Variants in PDXK observed in about 807,000 individuals in gnomAD.
PDXK encodes epididymis secretory sperm binding protein Li 1a.
PDXK carries 15 observed loss-of-function variants against 43.2 expected under a neutral mutation model. That is an observed-to-expected ratio of 0.35 (90% confidence interval 0.23 to 0.53). The LOEUF is 0.53. PDXK is among the 20% of genes least tolerant of loss of function. PDXK has a pLI of 0.92. For synonymous variants in PDXK, 172 were observed against 165.4 expected (o/e 1.04, Z -0.31); for missense variants, 343 against 417.0 (o/e 0.82, Z 1.54).
At chr21:43,722,633 C>T (rs1290376828) in intron 1 of PDXK, among the ~76,000 whole-genome samples, 1 of 151,778 alleles carries the variant, frequency 6.6e-6, no homozygotes, top group Non-Finnish European at 1.5e-5. Flanking sequence ...TCCCTCCATA[C>T]AAGGGTCCTT....
Position 43,734,229 on chromosome 21 carries a change from G to A in PDXK, c.142+106G>A. 1 of 1,069,348 alleles carries A rather than the reference G, an allele frequency of 9.4e-7. No individual in the cohort carries two copies. The highest frequency in any genetic ancestry group is 1.8e-5 in the Admixed American group (1 of 56,192). The allele number at this position is 1,069,348 out of a possible 1,614,324, so 66.2% of individuals were successfully genotyped here. On this transcript the variant is annotated intron_variant, in intron 2 of 10. Coordinates refer to ENST00000291565, the MANE Select transcript of PDXK (RefSeq NM_003681.5). This position sits in a 1 kb window ranked among gnomAD's most constrained non-coding sequence, Gnocchi z 5.0. The stretch of plus-strand genomic sequence containing the variant: ...GGCGGAGTGTGGGTGTGAGGGACGG[G>A]GCTTTCGTGTGGACGGGGACCTGGA...
rs1300 is a variant in PDXK, at chr21:43,762,120, T to C, written c.*6057T>C. The stretch of plus-strand genomic sequence containing the variant: ...CCTGTCGCCTCCGTGGTCCCCCTGC[T>C]GAGGGAGTGCGGCCTCTGCAAGGTT... On this transcript the variant is annotated 3_prime_UTR_variant, in exon 11 of 11. Transcript: ENST00000291565. The C allele has an allele frequency of 0.8, 122,111 of 153,330 alleles. 49,480 individuals are homozygous for C. The highest frequency in any genetic ancestry group is 0.95 in the African/African-American group (39,409 of 41,530). 9.5% of individuals were successfully genotyped at this position (153,330 alleles called of 1,614,324 possible). A position where few individuals can be genotyped will look rare whatever the true frequency, so the allele number is the denominator to read the frequency against.
intron 6 of PDXK, 81 bp downstream of exon 6, chr21:43,749,161 G>C (rs1400300640): frequency 6.1e-6 from 5 of 822,116 alleles, no homozygotes; most frequent in Non-Finnish European, 9.7e-6. Context: ...CTGGAGTGCA[G>C]TGGCACGATC....
intron 7 of PDXK, among the ~76,000 whole-genome samples, chr21:43,750,962 A>ATATATGTGTGTG (rs36141783): frequency 6.6e-6 from 1 of 150,624 alleles, no homozygotes; most frequent in African/African-American, 2.5e-5. Context: ...ATGTGTGTGC[A>ATATATGTGTGTG]TGTGTGTGTG....
rs2239389 is a variant in PDXK, at chr21:43,754,445, C to T, written c.759+726C>T. On this transcript the variant is annotated intron_variant, in intron 9 of 10. Coordinates refer to ENST00000291565, the MANE Select transcript of PDXK (RefSeq NM_003681.5). This position sits in a 1 kb window ranked among gnomAD's most constrained non-coding sequence, Gnocchi z 5.5. ...TGTGGCGCTCAGATCCGTGACCTCC[C>T]GTGCTGCATGCAGCAGAGTTGCTTG... 0.56 allele frequency among the ~76,000 whole-genome samples: 84,691 copies of T among 151,958 alleles called. 23,790 individuals are homozygous for T. Among genetic ancestry groups the T allele is most frequent in the African/African-American group, 0.58 (23,941 of 41,428 alleles).
intron 2 of PDXK, among the ~76,000 whole-genome samples, chr21:43,740,673 C>T (rs376724155): frequency 1.6e-4 from 25 of 152,020 alleles, no homozygotes; most frequent in South Asian, 1.5e-3. Context: ...TCTGTCCTCA[C>T]ACATTGATAT....
intron 1 of PDXK, among the ~76,000 whole-genome samples, chr21:43,727,130 C>T (rs1184491040): frequency 1.3e-5 from 2 of 152,196 alleles, no homozygotes; most frequent in Non-Finnish European, 2.9e-5. Flanking sequence ...GCAGAACGGG[C>T]AGCTTCGGGG....
intron 9 of PDXK, among the ~76,000 whole-genome samples, chr21:43,755,139 G>A (rs1208373587): frequency 6.6e-6 from 1 of 152,304 alleles, no homozygotes; most frequent in East Asian, 1.9e-4. Context: ...TTGTGGAGTC[G>A]GGGAGCGAGT....
At chr21:43,724,622 A>G (rs2083235893) in intron 1 of PDXK, among the ~76,000 whole-genome samples, 1 of 151,534 alleles carries the variant, frequency 6.6e-6, no homozygotes, top group South Asian at 2.1e-4. Context: ...TGGGGGGATC[A>G]CTTGAGCCTG....
In PDXK at chr21:43,737,734, C is replaced by T; in HGVS notation, c.142+3611C>T. ...CGGGCCAGGAGCCTGCCGACGGACA[C>T]CAGCGAGGGGCCAGGCCGGGCCAGA... On this transcript the variant is annotated intron_variant, in intron 2 of 10. Coordinates refer to ENST00000291565, the MANE Select transcript of PDXK (RefSeq NM_003681.5). The surrounding 1 kb of genome is among the most constrained non-coding windows in gnomAD (Gnocchi z 4.8). The T allele has an allele frequency of 1.0e-6, 1 of 953,622 alleles. No individual in the cohort carries two copies. The highest frequency in any genetic ancestry group is 1.2e-6 in the Non-Finnish European group (1 of 809,034). 59.1% of individuals were successfully genotyped at this position (953,622 alleles called of 1,614,324 possible).
chr21:43,719,175 C>CCAGAGT lies in PDXK; in HGVS notation c.-118_-113dup, dbSNP rs138927490. On this transcript the variant is annotated 5_prime_UTR_variant, in exon 1 of 11. Coordinates refer to ENST00000291565, the MANE Select transcript of PDXK (RefSeq NM_003681.5). ...TGATCGGGTCCGCCGCGCGCCAGAG[C>CCAGAGT]CAGAGTCGCAGCCGAGGGGAGCCGG... is the stretch of plus-strand genomic sequence containing the variant. The CCAGAGT allele has an allele frequency of 6.5e-4, 270 of 417,118 alleles. No homozygotes were observed. Among genetic ancestry groups the CCAGAGT allele is most frequent in the African/African-American group, 5.4e-3 (257 of 47,370 alleles). The allele number at this position is 417,118 out of a possible 1,614,324, so 25.8% of individuals were successfully genotyped here. A position where few individuals can be genotyped will look rare whatever the true frequency, so the allele number is the denominator to read the frequency against.
chr21:43,747,956 C>T (rs2083666595), intron 5 of PDXK, among the ~76,000 whole-genome samples: 1 of 152,184 alleles, frequency 6.6e-6, no homozygotes, highest in Admixed American at 6.5e-5. Flanking sequence ...TCCTTAGTGC[C>T]TCCTAAGCCA....
Position 43,752,507 on chromosome 21 carries a change from G to A in PDXK, c.511-11G>A, listed in dbSNP as rs750215028. 1.3e-6 allele frequency: 2 copies of A among 1,590,802 alleles called. No homozygotes were observed. The highest frequency in any genetic ancestry group is 1.7e-5 in the Admixed American group (1 of 59,980). On this transcript the variant is annotated splice_polypyrimidine_tract_variant and intron_variant, in intron 7 of 10. Coordinates refer to ENST00000291565, the MANE Select transcript of PDXK (RefSeq NM_003681.5). Reference sequence around the variant, plus strand: ...ACCGGCCGTGGCTGACGCTCCCTGTGCCACTGCTAGGTGATGGACATGCTG... The same window carrying A: ...ACCGGCCGTGGCTGACGCTCCCTGTACCACTGCTAGGTGATGGACATGCTG...
At chr21:43,728,724 G>C in intron 1 of PDXK, 3 of 985,680 alleles carry the variant, frequency 3.0e-6, no homozygotes, top group Non-Finnish European at 2.4e-6. Flanking sequence ...TCACACCACC[G>C]GCCGAGGGAG....
intron 1 of PDXK, chr21:43,720,003 C>A: frequency 1.2e-6 from 1 of 846,470 alleles, no homozygotes; most frequent in Non-Finnish European, 1.4e-6. Context: ...AGAGCGGCAT[C>A]CCTGCAGGTG....
chr21:43,748,690 T>TCCTC (rs2083680128), intron 5 of PDXK, among the ~76,000 whole-genome samples: 1 of 151,816 alleles, frequency 6.6e-6, no homozygotes, highest in South Asian at 2.1e-4. Flanking sequence ...CTCGTCTCCC[T>TCCTC]CCTCCCTCCC....
chr21:43,736,630 T>G (rs1298658742), intron 2 of PDXK, among the ~76,000 whole-genome samples: 3 of 36,736 alleles, frequency 8.2e-5, no homozygotes, highest in East Asian at 8.0e-4. Flanking sequence ...CCTTTTTCTG[T>G]TTTTTTTTTT....
Position 43,723,004 on chromosome 21 carries a change from A to AT in PDXK, c.87+3630dup, listed in dbSNP as rs1182541525. ...AGGCGCCCGCCACCACGCCTGGCTA[A>AT]TTTTTTTGTATTTTTAGTAGAGACG... On this transcript the variant is annotated intron_variant, in intron 1 of 10. Coordinates refer to ENST00000291565, the MANE Select transcript of PDXK (RefSeq NM_003681.5). This position sits in a 1 kb window ranked among gnomAD's most constrained non-coding sequence, Gnocchi z 4.1. 2.0e-5 allele frequency among the ~76,000 whole-genome samples: 3 copies of AT among 150,144 alleles called. No individual in the cohort carries two copies. The highest frequency in any genetic ancestry group is 2.1e-4 in the South Asian group (1 of 4,730).
rs1490999334 is a variant in PDXK at position 43,732,692 on chromosome 21, T to C, written c.88-1377T>C. 2 of 761,012 alleles carry C rather than the reference T, an allele frequency of 2.6e-6. No homozygotes were observed. Among genetic ancestry groups the C allele is most frequent in the Non-Finnish European group, 2.5e-6 (1 of 407,324 alleles). 47.1% of individuals were successfully genotyped at this position (761,012 alleles called of 1,614,324 possible). A position where few individuals can be genotyped will look rare whatever the true frequency, so the allele number is the denominator to read the frequency against. On this transcript the variant is annotated intron_variant, in intron 1 of 10. Coordinates refer to ENST00000291565, the MANE Select transcript of PDXK (RefSeq NM_003681.5). The surrounding 1 kb of genome is among the most constrained non-coding windows in gnomAD (Gnocchi z 4.1). Reference sequence around the variant, plus strand: ...TGAAATACTGCAAGCTATCTGTGTATAGAGGCTGTGGATTCGGGCTGGTAC... The same window carrying C: ...TGAAATACTGCAAGCTATCTGTGTACAGAGGCTGTGGATTCGGGCTGGTAC...
Sources: gnomAD v4.1 joint callset for allele counts (sites outside exome capture counted in the v4.1 genomes callset) on GRCh38, gnomAD v4.1.1 for gene constraint, Gnocchi (gnomAD v3.1) non-coding constraint, MANE v1.5 for transcripts, NCBI Gene and HGNC (gene_info 2026-07-23, HGNC 2026-07-21) for gene names.